Variants in SYCP1 observed in about 807,000 individuals in gnomAD.
SYCP1 encodes synaptonemal complex protein 1.
In SYCP1, 64 loss-of-function variants were observed where a neutral mutation model predicts 153.1. That is an observed-to-expected ratio of 0.42 (90% confidence interval 0.34 to 0.51). The LOEUF is 0.51. SYCP1 is among the 20% of genes least tolerant of loss of function. SYCP1 has a pLI of 0.06. For missense variants in SYCP1, 997 were observed against 1,049.0 expected (o/e 0.95, Z 0.68); for synonymous variants, 384 against 341.8 (o/e 1.12, Z -1.36).
chr1:114,910,349 A>T (rs745327058), intron 16 of SYCP1, 48 bp from the exon 17 acceptor site: 2 of 1,315,406 alleles, frequency 1.5e-6, no homozygotes, highest in Non-Finnish European at 2.1e-6. Context: ...GATTACTTTC[A>T]CTATGTGTAT....
intron 21 of SYCP1, among the ~76,000 whole-genome samples, chr1:114,925,207 T>A (rs1367693657): frequency 6.6e-6 from 1 of 152,132 alleles, no homozygotes; most frequent in Non-Finnish European, 1.5e-5. Flanking sequence ...AAAAATGAAC[T>A]TAATGTGCTA....
In SYCP1 at chr1:114,914,036, C is replaced by A. The variant is rs965194168; in HGVS notation, c.1709C>A (p.Thr570Asn). Residue 570 changes from threonine to asparagine, a missense_variant, in exon 20 of 32, where the codon ACC becomes AAC. By Grantham distance (65) the Thr-to-Asn change is moderately conservative. Around this residue, in one of 2 missense-constraint regions of SYCP1, gnomAD observed 712 missense variants for 682.9 expected, o/e 1.04. Transcript: ENST00000369522. ...KQIENLQETE[T>N]QLRNELEYVR... ...ATAGAAAATCTTCAAGAAACAGAAA[C>A]CCAATTAAGGCAAGACTAACAAATT... 2 of 1,569,966 alleles carry A rather than the reference C, an allele frequency of 1.3e-6. No homozygotes were observed. The highest frequency in any genetic ancestry group is 2.3e-5 in the East Asian group (1 of 42,888).
At chr1:114,941,671 G>GA (rs975221639) in intron 23 of SYCP1, among the ~76,000 whole-genome samples, 1 of 151,846 alleles carries the variant, frequency 6.6e-6, no homozygotes, top group African/African-American at 2.4e-5. Flanking sequence ...CAAGAAGAAA[G>GA]AAAAAATAGA....
At chr1:114,895,638 T>C (rs1468780401) in intron 16 of SYCP1, 129 bp downstream of exon 16, 1 of 482,036 alleles carries the variant, frequency 2.1e-6, no homozygotes, top group Admixed American at 4.3e-5. Context: ...AAAAATTATA[T>C]TTGGTTTTAA....
intron 28 of SYCP1, among the ~76,000 whole-genome samples, chr1:114,978,986 G>C (rs1006792634): frequency 6.6e-6 from 1 of 151,440 alleles, no homozygotes; most frequent in Non-Finnish European, 1.5e-5. Context: ...GAGATATTTT[G>C]ATTCATGTAC....
chr1:114,918,764 G>T (rs1388296972), intron 20 of SYCP1, among the ~76,000 whole-genome samples: 1 of 151,922 alleles, frequency 6.6e-6, no homozygotes, highest in East Asian at 1.9e-4. Context: ...TTGTAAATGG[G>T]AGTACTTTCT....
At chr1:114,969,524 T>A (rs1016077376) in intron 27 of SYCP1, among the ~76,000 whole-genome samples, 1 of 152,130 alleles carries the variant, frequency 6.6e-6, no homozygotes, top group African/African-American at 2.4e-5. Context: ...CAGGTTGACT[T>A]TAGACTGCTG....
chr1:114,979,749 A>G (rs1673034614), intron 28 of SYCP1, among the ~76,000 whole-genome samples: 1 of 151,886 alleles, frequency 6.6e-6, no homozygotes, highest in Admixed American at 6.6e-5. Flanking sequence ...AGAATTACGC[A>G]GGAAAGATAT....
At chr1:114,947,452 A>G in intron 27 of SYCP1, 132 bp downstream of exon 27, 2 of 642,998 alleles carry the variant, frequency 3.1e-6, no homozygotes, top group Non-Finnish European at 5.2e-6. Context: ...TTTCCCCCAG[A>G]AGCTTTTTTC....
At chr1:114,866,915 T>TTTTTTTA (rs397981388) in intron 8 of SYCP1, among the ~76,000 whole-genome samples, 1 of 151,706 alleles carries the variant, frequency 6.6e-6, no homozygotes. Context: ...TTTTTTTTTT[T>TTTTTTTA]GCATGCAGAT....
At chr1:114,990,981 G>T (rs1474531034) in intron 30 of SYCP1, among the ~76,000 whole-genome samples, 1 of 151,904 alleles carries the variant, frequency 6.6e-6, no homozygotes, top group Non-Finnish European at 1.5e-5. Flanking sequence ...CCCATACCTT[G>T]CCCTACGCAT....
chr1:114,881,284 A>T (rs941204996), intron 12 of SYCP1, among the ~76,000 whole-genome samples: 1 of 151,860 alleles, frequency 6.6e-6, no homozygotes, highest in Admixed American at 6.6e-5. Context: ...GGTATCTTAA[A>T]CTTTTCATTC....
chr1:114,926,571 G>A lies in SYCP1; in HGVS notation c.1926+8G>A. 6.3e-7 allele frequency: 1 copy of A among 1,579,766 alleles called. No homozygotes were observed. The highest frequency in any genetic ancestry group is 1.8e-5 in the Admixed American group (1 of 56,268). On this transcript the variant is annotated splice_region_variant and intron_variant, in intron 23 of 31. Transcript: ENST00000369522. Reference sequence around the variant, plus strand: ...AATGTTTATGAGATAAAGGTATTTGGCATCTTTATTTTTGTTTTTTAAATA... The same window carrying A: ...AATGTTTATGAGATAAAGGTATTTGACATCTTTATTTTTGTTTTTTAAATA...
chr1:114,947,777 A>G (rs927182484), intron 27 of SYCP1, among the ~76,000 whole-genome samples: 3 of 122,832 alleles, frequency 2.4e-5, no homozygotes, highest in African/African-American at 9.2e-5. Flanking sequence ...GCGCCACTGC[A>G]CTCTAGCCTG....
At chr1:114,947,416 T>C (rs1161683748) in intron 27 of SYCP1, 96 bp downstream of exon 27, 9 of 828,946 alleles carry the variant, frequency 1.1e-5, no homozygotes, top group Non-Finnish European at 1.7e-5. Flanking sequence ...ATTTGATAAA[T>C]TTTAATAACG....
intron 14 of SYCP1, among the ~76,000 whole-genome samples, chr1:114,887,080 C>T (rs1471082830): frequency 6.6e-6 from 1 of 152,038 alleles, no homozygotes; most frequent in Non-Finnish European, 1.5e-5. Flanking sequence ...GTTGCTTGTG[C>T]ATGGTGAGGG....
At chr1:114,973,438 T>C (rs1215049916) in intron 27 of SYCP1, among the ~76,000 whole-genome samples, 1 of 152,044 alleles carries the variant, frequency 6.6e-6, no homozygotes, top group Admixed American at 6.6e-5. Flanking sequence ...TGCCTATTTA[T>C]GTCCTCAAAT....
Position 114,857,239 on chromosome 1 carries a change from T to G in SYCP1, c.201T>G (p.Ala67=), listed in dbSNP as rs543208603. ...TTGTCTTTTATCTTGCAGATCCTGC[T>G]TTACAAAAAGTTAATTTCTTGCCCG... ...KNGENIDSDP[A]LQKVNFLPVL... is the part of the protein sequence containing the mutation. Residue 67 remains alanine, a synonymous_variant, in exon 4 of 32, where the codon GCT becomes GCG. Transcript: ENST00000369522. The G allele has an allele frequency of 6.2e-7, 1 of 1,601,268 alleles. No homozygotes were observed. The highest frequency in any genetic ancestry group is 1.3e-5 in the African/African-American group (1 of 74,744).
intron 23 of SYCP1, among the ~76,000 whole-genome samples, chr1:114,942,834 C>T (rs1670470681): frequency 6.6e-6 from 1 of 151,784 alleles, no homozygotes; most frequent in South Asian, 2.1e-4. Flanking sequence ...TTCATATATA[C>T]TAAAATAATT....
Sources: gnomAD v4.1 joint callset for allele counts (sites outside exome capture counted in the v4.1 genomes callset) on GRCh38, gnomAD v4.1.1 for gene constraint, gnomAD v4.1.1 regional missense constraint, MANE v1.5 for transcripts, NCBI Gene and HGNC (gene_info 2026-07-23, HGNC 2026-07-21) for gene names.